The following GPC5 variants were observed in gnomAD, a reference collection of about 807,000 sequenced individuals.
GPC5 encodes the protein glypican-5.
A neutral mutation model predicts 53.9 loss-of-function variants in GPC5; 47 were observed. The ratio of observed to expected loss-of-function variants is 0.87; its 90% CI spans 0.69 to 1.11. The LOEUF (loss-of-function observed/expected upper bound fraction) is 1.11, where lower values mean the gene tolerates loss of function less well. GPC5 is among the 50% of genes most tolerant of loss of function. The pLI is 0.00. For missense variants in GPC5, 748 were observed against 713.1 expected (o/e 1.05, Z -0.56); for synonymous variants, 286 against 263.3 (o/e 1.09, Z -0.84).
rs192066353 is a variant in GPC5, at chr13:92,189,957, A to G, written c.1561+44968A>G. 5.3e-4 allele frequency among the ~76,000 whole-genome samples: 80 copies of G among 152,214 alleles called. 1 individual carries two copies. Among genetic ancestry groups the G allele is most frequent in the Admixed American group, 2.1e-3 (32 of 15,288 alleles). On this transcript the variant is annotated intron_variant, in intron 7 of 7. Coordinates refer to ENST00000377067, the MANE Select transcript of GPC5 (RefSeq NM_004466.6). ...ACATTGGGAGAAATAATGACTGACA[A>G]TTTTCCCAAATTCATGTCAGACACC...
At chr13:92,637,473 A>G (rs1885446407) in intron 7 of GPC5, among the ~76,000 whole-genome samples, 1 of 152,218 alleles carries the variant, frequency 6.6e-6, no homozygotes, top group Non-Finnish European at 1.5e-5. Context: ...ACATAGCATC[A>G]TAAGTAGTTT....
chr13:92,038,083 G>C (rs2040908165), intron 6 of GPC5, among the ~76,000 whole-genome samples: 1 of 152,046 alleles, frequency 6.6e-6, no homozygotes. Context: ...CAGAGGTGGT[G>C]GCATGTGATT....
intron 2 of GPC5, among the ~76,000 whole-genome samples, chr13:91,615,034 G>A (rs1486477967): frequency 6.6e-6 from 1 of 151,946 alleles, no homozygotes; most frequent in Non-Finnish European, 1.5e-5. Context: ...ATGTCTAGAT[G>A]TCCTTCCATT....
chr13:92,511,328 T>C (rs1880554176), intron 7 of GPC5, among the ~76,000 whole-genome samples: 1 of 152,184 alleles, frequency 6.6e-6, no homozygotes, highest in South Asian at 2.1e-4. Flanking sequence ...AATTTGTCTT[T>C]CACAACATTG....
At chr13:92,762,076 A>G (rs1484907710) in intron 7 of GPC5, among the ~76,000 whole-genome samples, 1 of 152,166 alleles carries the variant, frequency 6.6e-6, no homozygotes, top group Non-Finnish European at 1.5e-5. Context: ...ATAATATGAA[A>G]ACACATGGAA....
At chr13:92,409,832 G>A (rs965068507) in intron 7 of GPC5, among the ~76,000 whole-genome samples, 1 of 152,122 alleles carries the variant, frequency 6.6e-6, no homozygotes, top group African/African-American at 2.4e-5. Context: ...ATACATTTAT[G>A]GTCCAGCTTT....
chr13:92,518,270 C>T (rs1010292634), intron 7 of GPC5, among the ~76,000 whole-genome samples: 13 of 152,214 alleles, frequency 8.5e-5, no homozygotes, highest in South Asian at 6.2e-4. Flanking sequence ...TCAGGAGATA[C>T]GGAGGATGCC....
intron 7 of GPC5, among the ~76,000 whole-genome samples, chr13:92,202,160 T>C (rs1366072688): frequency 6.6e-6 from 1 of 152,214 alleles, no homozygotes; most frequent in African/African-American, 2.4e-5. Context: ...ATTTTAAGAA[T>C]GATGGTTTGA....
chr13:92,794,269 C>T (rs1876574126), intron 7 of GPC5, among the ~76,000 whole-genome samples: 1 of 152,054 alleles, frequency 6.6e-6, no homozygotes. Context: ...ATAAAGAGAA[C>T]CAATGACAAA....
At chr13:92,147,744 G>A (rs967766778) in intron 7 of GPC5, among the ~76,000 whole-genome samples, 1 of 152,052 alleles carries the variant, frequency 6.6e-6, no homozygotes, top group East Asian at 1.9e-4. Context: ...CTCTAAGTGG[G>A]TTGCCTCTTA....
At chr13:91,588,854 G>A (rs10492617) in intron 2 of GPC5, among the ~76,000 whole-genome samples, 15,596 of 152,030 alleles carry the variant, frequency 0.1, 822 homozygotes, top group Middle Eastern at 0.16. Flanking sequence ...ATTTGACCTG[G>A]CAGCCATTGG....
intron 7 of GPC5, among the ~76,000 whole-genome samples, chr13:92,652,041 G>A (rs1458397916): frequency 6.6e-6 from 1 of 152,038 alleles, no homozygotes; most frequent in Non-Finnish European, 1.5e-5. Context: ...ATTTGAAGAG[G>A]TACATACTAA....
chr13:92,418,331 C>T (rs1329419611), intron 7 of GPC5, among the ~76,000 whole-genome samples: 1 of 149,984 alleles, frequency 6.7e-6, no homozygotes, highest in Non-Finnish European at 1.5e-5. Context: ...TTTAACAAAG[C>T]TCTTATATTT....
At chr13:92,573,678 C>T (rs1883103860) in intron 7 of GPC5, among the ~76,000 whole-genome samples, 1 of 152,074 alleles carries the variant, frequency 6.6e-6, no homozygotes, top group African/African-American at 2.4e-5. Flanking sequence ...CACCCTTGGT[C>T]AACAGAGCAT....
At chr13:92,394,450 C>A (rs1254637089) in intron 7 of GPC5, among the ~76,000 whole-genome samples, 1 of 152,070 alleles carries the variant, frequency 6.6e-6, no homozygotes, top group Non-Finnish European at 1.5e-5. Flanking sequence ...CCCCAGAGAG[C>A]ACTTTAGCTG....
intron 7 of GPC5, among the ~76,000 whole-genome samples, chr13:92,477,529 A>C (rs1879197585): frequency 6.6e-6 from 1 of 152,112 alleles, no homozygotes; most frequent in Admixed American, 6.6e-5. Context: ...AAGGCAATTG[A>C]CGCTTAATTG....
At position 91,804,458 on chromosome 13, in the gene GPC5, G is replaced by A. The variant is rs1304707863; in HGVS notation, c.1280+48038G>A. Among the ~76,000 whole-genome samples the A allele has an allele frequency of 2.0e-5, 3 of 152,152 alleles. No homozygotes were observed. The East Asian group carries it at 5.8e-4, about 29-fold the overall frequency. The stretch of plus-strand genomic sequence containing the variant: ...TTTTAATCCCAGTGCTCACCAGCTT[G>A]CTATCATAACACATAATTTGGAAAA... On this transcript the variant is annotated intron_variant, in intron 5 of 7. Transcript: ENST00000377067.
chr13:92,356,078 G>C (rs2043519397), intron 7 of GPC5, among the ~76,000 whole-genome samples: 1 of 151,800 alleles, frequency 6.6e-6, no homozygotes, highest in African/African-American at 2.4e-5. Flanking sequence ...TCTCTCACAG[G>C]GGATAACTTC....
intron 6 of GPC5, among the ~76,000 whole-genome samples, chr13:91,934,023 T>C (rs1440730733): frequency 6.6e-6 from 1 of 151,924 alleles, no homozygotes; most frequent in Non-Finnish European, 1.5e-5. Context: ...TGAGCTATGC[T>C]TCCCTGGGAC....
Sources: allele counts gnomAD v4.1 joint callset (sites outside exome capture counted in the v4.1 genomes callset), GRCh38; gene constraint gnomAD v4.1.1; transcripts MANE v1.5; gene names NCBI Gene and HGNC (gene_info 2026-07-23, HGNC 2026-07-21).